The following LARGE1 variants were observed in gnomAD, a reference collection of about 807,000 sequenced individuals.
The protein encoded by LARGE1 is xylosyl- and glucuronyltransferase LARGE1.
A neutral mutation model predicts 87.6 loss-of-function variants in LARGE1; 43 were observed. The ratio of observed to expected loss-of-function variants is 0.49; its 90% CI spans 0.38 to 0.63. The LOEUF (loss-of-function observed/expected upper bound fraction) is 0.63. LARGE1 is among the 30% of genes least tolerant of loss of function. LARGE1 has a pLI of 0.00. For missense variants in LARGE1, 802 were observed against 1,000.2 expected, an observed-to-expected ratio of 0.80 and a Z score of 2.67; for synonymous variants, 434 against 394.6, an observed-to-expected ratio of 1.10 and a Z score of -1.18.
intron 5 of LARGE1, among the ~76,000 whole-genome samples, chr22:33,566,217 A>C (rs1454225513): frequency 1.3e-5 from 2 of 152,252 alleles, no homozygotes; most frequent in Middle Eastern, 3.2e-3. Context: ...AAAATGCCCC[A>C]AAATGGAACA....
At chr22:33,416,694 C>G (rs1391388976) in intron 7 of LARGE1, among the ~76,000 whole-genome samples, 1 of 152,022 alleles carries the variant, frequency 6.6e-6, no homozygotes, top group Admixed American at 6.6e-5. Context: ...ACCTCCAACT[C>G]CTGGGTTCAG....
chr22:33,779,604 A>T (rs2085352867), intron 1 of LARGE1, among the ~76,000 whole-genome samples: 1 of 151,922 alleles, frequency 6.6e-6, no homozygotes, highest in Admixed American at 6.6e-5. Context: ...ACATAGTGAA[A>T]CCCCATCTCT....
chr22:33,150,891 G>A, the LARGE1 span, among the ~76,000 whole-genome samples: 3 of 151,870 alleles, frequency 2.0e-5, no homozygotes, highest in Admixed American at 1.3e-4. Context: ...TGATTCATCC[G>A]CTTTATTTTT....
At chr22:33,528,262 T>G (rs1009806636) in intron 6 of LARGE1, among the ~76,000 whole-genome samples, 1 of 152,142 alleles carries the variant, frequency 6.6e-6, no homozygotes, top group Admixed American at 6.5e-5. Context: ...GGTCGCAGCC[T>G]GCATGGTGGC....
chr22:33,838,161 G>A (rs2063163439), intron 1 of LARGE1, among the ~76,000 whole-genome samples: 1 of 152,128 alleles, frequency 6.6e-6, no homozygotes, highest in Admixed American at 6.5e-5. Flanking sequence ...CTTAGCTCAT[G>A]GGCTAAAGGA....
intron 1 of LARGE1, among the ~76,000 whole-genome samples, chr22:33,809,513 G>T (rs1278273221): frequency 6.6e-6 from 1 of 152,220 alleles, no homozygotes; most frequent in African/African-American, 2.4e-5. Flanking sequence ...AGGACAGATG[G>T]ATGAATAGTC....
At chr22:33,854,872 T>G (rs905445759) in intron 1 of LARGE1, among the ~76,000 whole-genome samples, 4 of 152,104 alleles carry the variant, frequency 2.6e-5, no homozygotes, top group Admixed American at 2.6e-4. Flanking sequence ...CCGGCGAAGG[T>G]GCTGTGGGGT....
At chr22:33,441,325 C>T (rs745806760) in intron 6 of LARGE1, among the ~76,000 whole-genome samples, 24 of 152,066 alleles carry the variant, frequency 1.6e-4, no homozygotes, top group African/African-American at 4.3e-4. Flanking sequence ...CCGCCCACCT[C>T]GGCCTCCCAA....
chr22:33,465,873 A>G (rs1168369853), intron 6 of LARGE1, among the ~76,000 whole-genome samples: 1 of 152,124 alleles, frequency 6.6e-6, no homozygotes, highest in African/African-American at 2.4e-5. Context: ...TGCTAACTCC[A>G]AAATATATCT....
chr22:33,849,592 C>CTTTTTTTTTTTTT (rs71187287), intron 1 of LARGE1, among the ~76,000 whole-genome samples: 15 of 88,592 alleles, frequency 1.7e-4, no homozygotes, highest in African/African-American at 5.7e-4. Context: ...CTTTTCTTCT[C>CTTTTTTTTTTTTT]TTTTTTTTTT....
At chr22:33,868,103 T>C (rs987666529) in intron 1 of LARGE1, among the ~76,000 whole-genome samples, 1 of 152,182 alleles carries the variant, frequency 6.6e-6, no homozygotes, top group African/African-American at 2.4e-5. Context: ...GAAAATTCAG[T>C]GCAAGAATTC....
chr22:33,495,707 ACT>A, intron 6 of LARGE1, among the ~76,000 whole-genome samples: 1 of 152,244 alleles, frequency 6.6e-6, no homozygotes, highest in South Asian at 2.1e-4. Flanking sequence ...TCAGAGTGAG[ACT>A]CTGTCTCAAA....
chr22:33,894,856 G>A (rs1461146238), intron 1 of LARGE1, among the ~76,000 whole-genome samples: 4 of 152,162 alleles, frequency 2.6e-5, no homozygotes, highest in South Asian at 4.1e-4. Context: ...CATTCAGGAG[G>A]TGCTCAAAAA....
At chr22:33,313,912 A>G (rs1334639766) in intron 11 of LARGE1, among the ~76,000 whole-genome samples, 1 of 152,194 alleles carries the variant, frequency 6.6e-6, no homozygotes, top group African/African-American at 2.4e-5. Context: ...AAGCTGCTCA[A>G]TGTGTGGTAC....
chr22:33,890,566 C>G (rs2064977800), intron 1 of LARGE1, among the ~76,000 whole-genome samples: 1 of 152,144 alleles, frequency 6.6e-6, no homozygotes, highest in Admixed American at 6.5e-5. Context: ...CAGGTACATG[C>G]TGGAGTCTGA....
At chr22:33,812,524 C>G (rs2086527834) in intron 1 of LARGE1, among the ~76,000 whole-genome samples, 1 of 152,218 alleles carries the variant, frequency 6.6e-6, no homozygotes, top group Non-Finnish European at 1.5e-5. Flanking sequence ...TGTGCATTTT[C>G]CAGCCAGGGT....
chr22:33,119,559 G>T, the LARGE1 span, among the ~76,000 whole-genome samples: 1 of 151,834 alleles, frequency 6.6e-6, no homozygotes, highest in Non-Finnish European at 1.5e-5. Context: ...AGGCCCTGAT[G>T]ACTTTTTTTT....
chr22:33,917,690 T>G (rs1342480006), intron 1 of LARGE1, among the ~76,000 whole-genome samples: 1 of 152,226 alleles, frequency 6.6e-6, no homozygotes. Flanking sequence ...TACTTAGAGA[T>G]TATAACTGAG....
At chr22:33,292,645 C>T (rs1161667840) in intron 12 of LARGE1, among the ~76,000 whole-genome samples, 3 of 152,124 alleles carry the variant, frequency 2.0e-5, no homozygotes, top group Admixed American at 1.3e-4. Context: ...GTGTGCCTGA[C>T]ATATGGGATT....
Sources: gnomAD v4.1 joint callset for allele counts (sites outside exome capture counted in the v4.1 genomes callset) on GRCh38, gnomAD v4.1.1 for gene constraint, MANE v1.5 for transcripts, NCBI Gene and HGNC (gene_info 2026-07-23, HGNC 2026-07-21) for gene names.